ZNF14: variants seen among roughly 807,000 people sequenced by gnomAD.
ZNF14 encodes the protein zinc finger protein 14, also known as gonadotropin inducible transcription repressor-4.
A neutral mutation model predicts 11.3 loss-of-function variants in ZNF14; 9 were observed. The observed-to-expected ratio is 0.80, with a 90% CI of 0.48 to 1.39. ZNF14 has a LOEUF of 1.39. ZNF14 is among the 40% of genes most tolerant of loss of function. The pLI is 0.00. For missense variants in ZNF14, 711 were observed against 763.9 expected (o/e 0.93, Z 0.82); for synonymous variants, 239 against 245.7 (o/e 0.97, Z 0.25).
At position 19,711,370 on chromosome 19, in the gene ZNF14, A is replaced by G; in HGVS notation, c.1911T>C (p.His637=). 1 of 1,563,288 alleles carries G rather than the reference A, an allele frequency of 6.4e-7. No individual in the cohort carries two copies. The highest frequency in any genetic ancestry group is 8.6e-7 in the Non-Finnish European group (1 of 1,159,328). Residue 637 remains histidine, a synonymous_variant, in exon 4 of 4, where the codon CAT becomes CAC. Coordinates refer to ENST00000344099, the MANE Select transcript of ZNF14 (RefSeq NM_021030.3). ...TATATTCTTAGACTTTCTCTCCCAT[A>G]TGAGTCCTTTCATGCAGTCGAAAGT... ...SSHFRLHERT[H]MGEKV
At position 19,714,386 on chromosome 19, in the gene ZNF14, C is replaced by G; in HGVS notation, c.105G>C (p.Glu35Asp). The change falls in exon 2 of 4, where the codon GAG becomes GAC. Residue 35 changes from glutamate to aspartate, a missense_variant. Physicochemically the swap from Glu to Asp is conservative, Grantham distance 45. Transcript: ENST00000344099. Reference protein sequence around the residue: ...QKKLYEDVMQETFKNLVCLGK... With the variant: ...QKKLYEDVMQDTFKNLVCLGK... ...CTAGACAAACCAGGTTTTTGAAGGT[C>G]TCCTGCATCACATCTTCATAGAGCT... The G allele has an allele frequency of 1.2e-6, 2 of 1,614,030 alleles. No individual in the cohort carries two copies. The highest frequency in any genetic ancestry group is 1.7e-6 in the Non-Finnish European group (2 of 1,180,016).
At position 19,712,012 on chromosome 19, in the gene ZNF14, T is replaced by C. The variant is rs369555926; in HGVS notation, c.1269A>G (p.Gln423=). 20 of 1,613,734 alleles carry C rather than the reference T, an allele frequency of 1.2e-5. No homozygotes were observed. The highest frequency in any genetic ancestry group is 1.7e-5 in the Non-Finnish European group (20 of 1,179,938). ...TTGAAAAACTGAAGGTTTTACCACA[T>C]TGTTTACATTCATAGGGTTTCTCTC... ...HTGEKPYECK[Q]CGKTFSFSSS... Residue 423 remains glutamine (Q), a synonymous_variant, in exon 4 of 4, where the codon CAA becomes CAG. Transcript: ENST00000344099.
Position 19,733,001 on chromosome 19 carries a change from G to C in ZNF14, c.-43C>G. On this transcript the variant is annotated 5_prime_UTR_variant, in exon 1 of 4. Coordinates refer to ENST00000344099, the MANE Select transcript of ZNF14 (RefSeq NM_021030.3). ...GTCACGGTGTCCTCCCTACGGATCT[G>C]TCAGTACCTGCAGGTCACGGCGCGA... 6.2e-7 allele frequency: 1 copy of C among 1,610,868 alleles called. No individual in the cohort carries two copies. Among genetic ancestry groups the C allele is most frequent in the Non-Finnish European group, 8.5e-7 (1 of 1,178,102 alleles).
rs1413133659 is a variant in ZNF14, at chr19:19,727,073, CCACT to C, written c.3+5879_3+5882del. 3.0e-5 allele frequency among the ~76,000 whole-genome samples: 4 copies of C among 133,424 alleles called. 1 individual carries two copies. The highest frequency in any genetic ancestry group is 6.7e-5 in the Non-Finnish European group (4 of 60,004). 87.5% of individuals were successfully genotyped at this position (133,424 alleles called of 152,430 possible). A position where few individuals can be genotyped will look rare whatever the true frequency, so the allele number is the denominator to read the frequency against. ...CCCCGCCCTGCTCCATGGGCTGCAC[CCACT>C]GTCTGCCAAGCCCCAGTGAGATGAA... On this transcript the variant is annotated intron_variant, in intron 1 of 3. Transcript: ENST00000344099.
rs1254699255 is a variant in ZNF14, at chr19:19,728,991, CG to C, written c.3+3964del. ...ATTACACCCAGTAATCTTTTCCCCC[CG>C]ACAAGACGGAGTCTTGCTCTGTTGC... On this transcript the variant is annotated intron_variant, in intron 1 of 3. Transcript: ENST00000344099. Among the ~76,000 whole-genome samples, 6 of 152,166 alleles carry C rather than the reference CG, an allele frequency of 3.9e-5. No individual in the cohort carries two copies. In the South Asian group the frequency reaches 6.2e-4, roughly 16 times the overall value.
Position 19,711,373 on chromosome 19 carries a change from A to G in ZNF14, c.1908T>C (p.Thr636=), listed in dbSNP as rs201659797. Residue 636 remains threonine (T), a synonymous_variant, in exon 4 of 4, where the codon ACT becomes ACC. Coordinates refer to ENST00000344099, the MANE Select transcript of ZNF14 (RefSeq NM_021030.3). ...SSSHFRLHER[T]HMGEKV is the part of the protein sequence containing the mutation. ...ATTCTTAGACTTTCTCTCCCATATGAGTCCTTTCATGCAGTCGAAAGTGAC... is the reference window on the plus strand; with the variant it reads ...ATTCTTAGACTTTCTCTCCCATATGGGTCCTTTCATGCAGTCGAAAGTGAC... 77 of 1,565,136 alleles carry G rather than the reference A, an allele frequency of 4.9e-5. 1 individual carries two copies. Among genetic ancestry groups the G allele is most frequent in the Middle Eastern group, 3.5e-4 (2 of 5,792 alleles).
In ZNF14 at chr19:19,725,365, T is replaced by C. The variant is rs1403860020; in HGVS notation, c.3+7591A>G. Among the ~76,000 whole-genome samples, 2 of 133,872 alleles carry C rather than the reference T, an allele frequency of 1.5e-5. 1 individual carries two copies. The highest frequency in any genetic ancestry group is 5.5e-5 in the African/African-American group (2 of 36,184). The allele number at this position is 133,872 out of a possible 152,430, so 87.8% of individuals were successfully genotyped here. A position where few individuals can be genotyped will look rare whatever the true frequency, so the allele number is the denominator to read the frequency against. ...CTTAGTTTGGCTGGATATGAAATTCTGGGTTGAAAATTCTTTTCTTTAAGA... is the reference window on the plus strand; with the variant it reads ...CTTAGTTTGGCTGGATATGAAATTCCGGGTTGAAAATTCTTTTCTTTAAGA... On this transcript the variant is annotated intron_variant, in intron 1 of 3. Transcript: ENST00000344099.
intron 1 of ZNF14, among the ~76,000 whole-genome samples, chr19:19,730,026 CTTTA>C (rs2062418699): frequency 6.6e-6 from 1 of 152,002 alleles, no homozygotes; most frequent in African/African-American, 2.4e-5. Flanking sequence ...TGCAAACTAC[CTTTA>C]TTTATTTAGT....
At position 19,726,200 on chromosome 19, in the gene ZNF14, T is replaced by C. The variant is rs1260584305; in HGVS notation, c.3+6756A>G. ...AATTTTCAGCTTTTCTGCTCTGGTT[T>C]CTTCCCATCTTTGTGGTTTTATCTA... On this transcript the variant is annotated intron_variant, in intron 1 of 3. Coordinates refer to ENST00000344099, the MANE Select transcript of ZNF14 (RefSeq NM_021030.3). Among the ~76,000 whole-genome samples the C allele has an allele frequency of 3.0e-5, 4 of 134,816 alleles. 1 individual carries two copies. Among genetic ancestry groups the C allele is most frequent in the Admixed American group, 2.9e-4 (4 of 13,718 alleles). The allele number at this position is 134,816 out of a possible 152,430, so 88.4% of individuals were successfully genotyped here.
chr19:19,722,985 G>A (rs1217122482), intron 1 of ZNF14, among the ~76,000 whole-genome samples: 1 of 152,112 alleles, frequency 6.6e-6, no homozygotes, highest in Non-Finnish European at 1.5e-5. Flanking sequence ...GGAGATTTTG[G>A]GCTGAGACGA....
At chr19:19,728,494 C>G (rs540473593) in intron 1 of ZNF14, among the ~76,000 whole-genome samples, 1 of 72,934 alleles carries the variant, frequency 1.4e-5, no homozygotes, top group African/African-American at 5.5e-5. Context: ...CCAGACTGTG[C>G]GAAAGTGCGA....
chr19:19,713,777 C>G (rs2062369702), intron 3 of ZNF14, among the ~76,000 whole-genome samples: 1 of 102,214 alleles, frequency 9.8e-6, no homozygotes, highest in Admixed American at 1.0e-4. Flanking sequence ...CAGATGAGGT[C>G]TTGCTATATT....
At chr19:19,717,209 A>T (rs1282550874) in intron 1 of ZNF14, among the ~76,000 whole-genome samples, 1 of 152,096 alleles carries the variant, frequency 6.6e-6, no homozygotes, top group Non-Finnish European at 1.5e-5. Context: ...ACCACCCTTT[A>T]TAGTTCAGTA....
chr19:19,715,458 C>A (rs1453781777), intron 1 of ZNF14, among the ~76,000 whole-genome samples: 1 of 152,206 alleles, frequency 6.6e-6, no homozygotes, highest in Non-Finnish European at 1.5e-5. Context: ...ATCCAAAGAA[C>A]TGAGCCCCAA....
At chr19:19,724,221 T>C in intron 1 of ZNF14, among the ~76,000 whole-genome samples, 1 of 132,764 alleles carries the variant, frequency 7.5e-6, no homozygotes, top group Admixed American at 7.4e-5. Context: ...GGGCATTTCG[T>C]GCTATAAATT....
chr19:19,712,424 T>A lies in ZNF14; in HGVS notation c.857A>T (p.Lys286Ile). 1 of 1,558,500 alleles carries A rather than the reference T, an allele frequency of 6.4e-7. No individual in the cohort carries two copies. Among genetic ancestry groups the A allele is most frequent in the South Asian group, 1.2e-5 (1 of 85,892 alleles). Residue 286 changes from lysine (K) to isoleucine (I), a missense_variant, in exon 4 of 4, where the codon AAA becomes ATA. Coordinates refer to ENST00000344099, the MANE Select transcript of ZNF14 (RefSeq NM_021030.3). The stretch of plus-strand genomic sequence containing the variant: ...AAAAGAACTGAGAAAACTGAAGGCT[T>A]TACCACATTCTTTACATTTGTAGGG... ...EKPYKCKECG[K>I]AFSFLSSFRR...
chr19:19,714,676 A>G (rs2062372585), intron 1 of ZNF14, among the ~76,000 whole-genome samples, 189 bp from the exon 2 acceptor site: 1 of 151,460 alleles, frequency 6.6e-6, no homozygotes, highest in South Asian at 2.1e-4. Context: ...AACACACAGA[A>G]ATTACTTCTA....
chr19:19,724,936 A>G (rs923093941), intron 1 of ZNF14, among the ~76,000 whole-genome samples: 1 of 133,274 alleles, frequency 7.5e-6, no homozygotes, highest in Admixed American at 7.4e-5. Flanking sequence ...TTTGGTTGGT[A>G]GATCTTCCTT....
Position 19,732,997 on chromosome 19 carries a change from A to T in ZNF14, c.-39T>A. 1.2e-6 allele frequency: 2 copies of T among 1,612,108 alleles called. No homozygotes were observed. The highest frequency in any genetic ancestry group is 1.7e-6 in the Non-Finnish European group (2 of 1,178,902). ...GGAAGTCACGGTGTCCTCCCTACGG[A>T]TCTGTCAGTACCTGCAGGTCACGGC... On this transcript the variant is annotated 5_prime_UTR_variant, in exon 1 of 4. Transcript: ENST00000344099.
Sources: allele counts gnomAD v4.1 joint callset (sites outside exome capture counted in the v4.1 genomes callset), GRCh38; gene constraint gnomAD v4.1.1; transcripts MANE v1.5; gene names NCBI Gene and HGNC (gene_info 2026-07-23, HGNC 2026-07-21).